Variants in GALNT13 observed in about 807,000 individuals in gnomAD.
GALNT13 encodes UDP-GalNAc:polypeptide N-acetylgalactosaminyltransferase 13.
Under a neutral mutation model 64.2 loss-of-function variants are expected in GALNT13, and 28 were observed. The observed-to-expected ratio is 0.44, with a 90% confidence interval of 0.32 to 0.60. The LOEUF (loss-of-function observed/expected upper bound fraction) is 0.60. GALNT13 is among the 20% of genes least tolerant of loss of function. GALNT13 has a pLI of 0.05. For synonymous variants in GALNT13, 214 were observed against 224.6 expected, an observed-to-expected ratio of 0.95 and a Z score of 0.42; for missense variants, 577 against 669.8, an observed-to-expected ratio of 0.86 and a Z score of 1.53.
At chr2:153,888,245 A>G (rs1238340554) in intron 1 of GALNT13, among the ~76,000 whole-genome samples, 1 of 152,030 alleles carries the variant, frequency 6.6e-6, no homozygotes, top group African/African-American at 2.4e-5. Context: ...AATCATTTGC[A>G]GAATGTTGAA....
At chr2:153,715,865 A>G in the GALNT13 span, among the ~76,000 whole-genome samples, 1 of 133,322 alleles carries the variant, frequency 7.5e-6, no homozygotes, top group Non-Finnish European at 1.6e-5. Context: ...CATGGCTTGG[A>G]TGTCAGAGCT....
intron 11 of GALNT13, among the ~76,000 whole-genome samples, chr2:154,410,971 A>G (rs1646245344): frequency 6.6e-6 from 1 of 151,910 alleles, no homozygotes; most frequent in Non-Finnish European, 1.5e-5. Flanking sequence ...TCTTGCTGGC[A>G]GTCCTATATC....
chr2:153,217,904 T>C, the GALNT13 span, among the ~76,000 whole-genome samples: 1 of 152,198 alleles, frequency 6.6e-6, no homozygotes, highest in African/African-American at 2.4e-5. Context: ...ATTTTTATTA[T>C]ATATGGCAAG....
chr2:154,326,854 T>C (rs765452094), intron 9 of GALNT13, among the ~76,000 whole-genome samples: 3 of 152,150 alleles, frequency 2.0e-5, no homozygotes, highest in Non-Finnish European at 4.4e-5. Flanking sequence ...TATCAACTAA[T>C]TCTCTGCAGT....
chr2:153,893,656 G>C (rs1687703409), intron 1 of GALNT13, among the ~76,000 whole-genome samples: 1 of 151,760 alleles, frequency 6.6e-6, no homozygotes, highest in African/African-American at 2.4e-5. Context: ...ATATTGTTTT[G>C]AAGATTAGAT....
At chr2:154,117,804 G>A (rs190938637) in intron 3 of GALNT13, among the ~76,000 whole-genome samples, 10 of 152,242 alleles carry the variant, frequency 6.6e-5, no homozygotes, top group Non-Finnish European at 1.3e-4. Flanking sequence ...GAAAGAAACT[G>A]GATCATTGTC....
At chr2:153,168,871 G>T in the GALNT13 span, among the ~76,000 whole-genome samples, 3 of 152,080 alleles carry the variant, frequency 2.0e-5, no homozygotes, top group East Asian at 1.9e-4. Flanking sequence ...CTTTCAGTTG[G>T]TTTTTTCCTG....
the GALNT13 span, among the ~76,000 whole-genome samples, chr2:153,802,142 C>T: frequency 6.4e-4 from 97 of 152,242 alleles, no homozygotes; most frequent in African/African-American, 2.3e-3. Context: ...GGTAAAATGT[C>T]ACATGCCCTT....
chr2:153,523,043 ATTT>A, the GALNT13 span, among the ~76,000 whole-genome samples: 1,063 of 83,358 alleles, frequency 0.013, 11 homozygotes, highest in African/African-American at 0.047. Flanking sequence ...TGTGTTTACT[ATTT>A]TTTTTTTTTT....
chr2:153,175,870 G>T, the GALNT13 span, among the ~76,000 whole-genome samples: 2 of 152,192 alleles, frequency 1.3e-5, no homozygotes, highest in Non-Finnish European at 2.9e-5. Flanking sequence ...ACCAGCTAAA[G>T]ATTGAACATG....
chr2:154,012,803 C>G (rs1265673742), intron 3 of GALNT13, among the ~76,000 whole-genome samples: 1 of 152,042 alleles, frequency 6.6e-6, no homozygotes, highest in East Asian at 1.9e-4. Flanking sequence ...ATTTTGAGAA[C>G]TAGTCTTTGA....
At chr2:153,958,675 C>G (rs1398433509) in intron 3 of GALNT13, among the ~76,000 whole-genome samples, 1 of 152,148 alleles carries the variant, frequency 6.6e-6, no homozygotes, top group Non-Finnish European at 1.5e-5. Context: ...GTTGCTTTTT[C>G]CCTTTTACAT....
rs145590209 is a variant in GALNT13 at position 154,288,961 on chromosome 2, G to T, written c.976-12448G>T. Among the ~76,000 whole-genome samples, 175 of 152,338 alleles carry T rather than the reference G, an allele frequency of 1.1e-3. 1 individual carries two copies. The highest frequency in any genetic ancestry group is 7.1e-3 in the East Asian group (37 of 5,176). ...TGCCCAGGGGGGACTCTGTGTGGGG[G>T]CTTGCACCCCACATTTCCCTTCCAC... is the stretch of plus-strand genomic sequence containing the variant. On this transcript the variant is annotated intron_variant, in intron 8 of 12. Transcript: ENST00000392825.
intron 9 of GALNT13, among the ~76,000 whole-genome samples, chr2:154,348,121 G>C (rs1380642107): frequency 6.6e-6 from 1 of 152,168 alleles, no homozygotes; most frequent in Non-Finnish European, 1.5e-5. Flanking sequence ...CTGTGTTAAA[G>C]ATTAGGAAAC....
At chr2:153,907,948 G>A (rs1688695671) in intron 2 of GALNT13, among the ~76,000 whole-genome samples, 1 of 151,992 alleles carries the variant, frequency 6.6e-6, no homozygotes, top group Non-Finnish European at 1.5e-5. Context: ...TGGGTTGAAT[G>A]GTAATTTTGT....
At chr2:154,378,527 T>C (rs183320675) in intron 9 of GALNT13, among the ~76,000 whole-genome samples, 36 of 152,280 alleles carry the variant, frequency 2.4e-4, no homozygotes, top group African/African-American at 8.4e-4. Context: ...CATTTTATTC[T>C]GCCTATGTTT....
intron 8 of GALNT13, among the ~76,000 whole-genome samples, chr2:154,269,040 C>T (rs1527868): frequency 0.019 from 2,924 of 152,058 alleles, 69 homozygotes; most frequent in African/African-American, 0.059. Context: ...GAAATGTCTT[C>T]TCATGTGAAA....
chr2:153,470,731 A>C, the GALNT13 span, among the ~76,000 whole-genome samples: 1 of 152,170 alleles, frequency 6.6e-6, no homozygotes, highest in Non-Finnish European at 1.5e-5. Flanking sequence ...CTTAATTAAT[A>C]AAGTCCATTC....
chr2:153,766,156 T>A, the GALNT13 span, among the ~76,000 whole-genome samples: 1 of 152,044 alleles, frequency 6.6e-6, no homozygotes, highest in Admixed American at 6.5e-5. Context: ...TTTTTTTTTT[T>A]CCTTTAGCAG....
Sources: gnomAD v4.1 joint callset for allele counts (sites outside exome capture counted in the v4.1 genomes callset) on GRCh38, gnomAD v4.1.1 for gene constraint, MANE v1.5 for transcripts, NCBI Gene and HGNC (gene_info 2026-07-23, HGNC 2026-07-21) for gene names.